OTX2: variants seen among roughly 807,000 people sequenced by gnomAD.
The protein encoded by OTX2 is orthodenticle homeobox 2.
Under a neutral mutation model 29.0 loss-of-function variants are expected in OTX2, and 4 were observed. The observed-to-expected ratio is 0.14, with a 90% CI of 0.07 to 0.32. The LOEUF is 0.32. Among genes scored for constraint, OTX2 ranks in the 10% least tolerant of loss-of-function variants. OTX2 has a pLI of 1.00. For missense variants in OTX2, 298 were observed against 365.9 expected, an observed-to-expected ratio of 0.81 and a Z score of 1.51; for synonymous variants, 134 against 141.0, an observed-to-expected ratio of 0.95 and a Z score of 0.35.
Position 56,806,497 on chromosome 14 carries a change from C to G in OTX2, c.-119-922G>C, listed in dbSNP as rs192176178. Among the ~76,000 whole-genome samples the G allele has an allele frequency of 4.5e-4, 68 of 152,302 alleles. No individual in the cohort carries two copies. The East Asian group carries it at 9.1e-3, about 20-fold the overall frequency. On this transcript the variant is annotated intron_variant, in intron 2 of 4. Coordinates refer to ENST00000672264, the MANE Select transcript of OTX2 (RefSeq NM_021728.4). ...CCACCAATCAGATAATGACGGGACC[C>G]CACATTTGTAGTGCAAGCTGCTTCC...
At chr14:56,809,992 A>C (rs1364682199) in intron 2 of OTX2, among the ~76,000 whole-genome samples, 167 bp downstream of exon 2, 1 of 152,012 alleles carries the variant, frequency 6.6e-6, no homozygotes, top group Non-Finnish European at 1.5e-5. Context: ...TTCTTTTTGC[A>C]ACGATCGTTA....
At chr14:56,807,246 G>A (rs1018498499) in intron 2 of OTX2, among the ~76,000 whole-genome samples, 5 of 151,972 alleles carry the variant, frequency 3.3e-5, no homozygotes, top group Admixed American at 6.5e-5. Context: ...GCTGTTCTTT[G>A]GAGGCTGCGA....
intron 2 of OTX2, among the ~76,000 whole-genome samples, chr14:56,808,054 C>T (rs1468978003): frequency 1.3e-5 from 2 of 151,924 alleles, no homozygotes; most frequent in African/African-American, 2.4e-5. Flanking sequence ...CCGCGCCCCC[C>T]GCGCAGCCTT....
chr14:56,805,741 C>CCCCCCCCCCCCCCCAACA (rs1892069448), intron 2 of OTX2, 166 bp from the exon 3 acceptor site: 1 of 402,320 alleles, frequency 2.5e-6, no homozygotes, highest in Admixed American at 3.6e-5. Context: ...CCCCCACCCC[C>CCCCCCCCCCCCCCCAACA]AGCTGCTCTG....
At chr14:56,807,751 C>A (rs930397326) in intron 2 of OTX2, among the ~76,000 whole-genome samples, 1 of 152,246 alleles carries the variant, frequency 6.6e-6, no homozygotes, top group African/African-American at 2.4e-5. Context: ...AGGCATGGGC[C>A]CTTCAATCTA....
chr14:56,804,510 T>G lies in OTX2; in HGVS notation c.98-147A>C. On this transcript the variant is annotated intron_variant, in intron 3 of 4. Transcript: ENST00000672264. This position sits in a 1 kb window ranked among gnomAD's most constrained non-coding sequence, Gnocchi z 4.1. Reference sequence around the variant, plus strand: ...GCTCTCCCCACCGTCTCCCCAGCCTTGCTCCCCGGGGACCCAGGACACACG... The same window carrying G: ...GCTCTCCCCACCGTCTCCCCAGCCTGGCTCCCCGGGGACCCAGGACACACG... The G allele has an allele frequency of 1.3e-6, 1 of 744,684 alleles. No individual in the cohort carries two copies. Among genetic ancestry groups the G allele is most frequent in the Non-Finnish European group, 2.1e-6 (1 of 468,054 alleles). 46.1% of individuals were successfully genotyped at this position (744,684 alleles called of 1,614,324 possible).
intron 2 of OTX2, among the ~76,000 whole-genome samples, chr14:56,808,359 G>A (rs1892161731): frequency 6.6e-6 from 1 of 152,136 alleles, no homozygotes; most frequent in African/African-American, 2.4e-5. Flanking sequence ...GCCTGCGGCT[G>A]GGAAGACGAC....
chr14:56,801,264 C>A lies in OTX2; in HGVS notation c.*471G>T. On this transcript the variant is annotated 3_prime_UTR_variant, in exon 5 of 5. Transcript: ENST00000672264. The surrounding 1 kb of genome is among the most constrained non-coding windows in gnomAD (Gnocchi z 4.2). Reference sequence around the variant, plus strand: ...ACAATCAGTCACACAATTCACACAGCCCTGAAAAGTTTTTTCAGTGCCAAC... The same window carrying A: ...ACAATCAGTCACACAATTCACACAGACCTGAAAAGTTTTTTCAGTGCCAAC... The A allele has an allele frequency of 4.5e-6, 1 of 221,638 alleles. No homozygotes were observed. Among genetic ancestry groups the A allele is most frequent in the East Asian group, 1.1e-4 (1 of 9,456 alleles). The allele number at this position is 221,638 out of a possible 1,614,324, so 13.7% of individuals were successfully genotyped here. A position where few individuals can be genotyped will look rare whatever the true frequency, so the allele number is the denominator to read the frequency against.
intron 2 of OTX2, among the ~76,000 whole-genome samples, chr14:56,809,810 G>T (rs1481848023): frequency 6.6e-6 from 1 of 152,194 alleles, no homozygotes; most frequent in Non-Finnish European, 1.5e-5. Flanking sequence ...CGCAAAGATC[G>T]CGGGAGAAGC....
At position 56,801,708 on chromosome 14, in the gene OTX2, A is replaced by G. The variant is rs1273316573; in HGVS notation, c.*27T>C. 6.2e-7 allele frequency: 1 copy of G among 1,611,496 alleles called. No homozygotes were observed. ...GTCCAGCCCAGTATATTTAAAAATC[A>G]CCCACAAAAAGAGGTTCTACAGGTC... is the stretch of plus-strand genomic sequence containing the variant. On this transcript the variant is annotated 3_prime_UTR_variant, in exon 5 of 5. Coordinates refer to ENST00000672264, the MANE Select transcript of OTX2 (RefSeq NM_021728.4). This position sits in a 1 kb window ranked among gnomAD's most constrained non-coding sequence, Gnocchi z 4.2.
chr14:56,806,301 C>T (rs184545379), intron 2 of OTX2, among the ~76,000 whole-genome samples: 2 of 152,282 alleles, frequency 1.3e-5, no homozygotes, highest in East Asian at 1.9e-4. Context: ...AGGTAAGTAA[C>T]AGATTTATTA....
At chr14:56,806,607 T>C (rs1215621893) in intron 2 of OTX2, 1 of 152,224 alleles carries the variant, frequency 6.6e-6, no homozygotes, top group Non-Finnish European at 1.5e-5. Context: ...GCAGCAGAGT[T>C]TCCTGTTAAC....
chr14:56,803,585 TAAGGTC>T (rs921920183), intron 4 of OTX2, among the ~76,000 whole-genome samples: 2 of 152,200 alleles, frequency 1.3e-5, no homozygotes, highest in African/African-American at 4.8e-5. Context: ...CTCTCCAGTT[TAAGGTC>T]AAGTTTAGGG....
Position 56,801,479 on chromosome 14 carries a change from G to T in OTX2, c.*256C>A. 1.5e-5 allele frequency: 8 copies of T among 541,656 alleles called. No individual in the cohort carries two copies. The highest frequency in any genetic ancestry group is 2.7e-5 in the Non-Finnish European group (8 of 301,760). 33.6% of individuals were successfully genotyped at this position (541,656 alleles called of 1,614,324 possible). On this transcript the variant is annotated 3_prime_UTR_variant, in exon 5 of 5. Coordinates refer to ENST00000672264, the MANE Select transcript of OTX2 (RefSeq NM_021728.4). The surrounding 1 kb of genome is among the most constrained non-coding windows in gnomAD (Gnocchi z 4.2). ...GGTTGCACATGGCTAGAATGCTTTT[G>T]ATCACTTTGCAAATCAGGATAACCA...
At chr14:56,807,640 C>G (rs986251743) in intron 2 of OTX2, among the ~76,000 whole-genome samples, 2 of 152,174 alleles carry the variant, frequency 1.3e-5, no homozygotes, top group African/African-American at 4.8e-5. Flanking sequence ...ACTATTTTCA[C>G]TTTTGCTCCT....
Position 56,804,873 on chromosome 14 carries a change from A to C in OTX2, c.97+487T>G, listed in dbSNP as rs1035152608. On this transcript the variant is annotated intron_variant, in intron 3 of 4. Coordinates refer to ENST00000672264, the MANE Select transcript of OTX2 (RefSeq NM_021728.4). The surrounding 1 kb of genome is among the most constrained non-coding windows in gnomAD (Gnocchi z 4.1). ...AAGGAAAGCACCCGCATTTGGAGGA[A>C]GTCACGCCTCTTGGGATTAAAGCAG... 7.5e-6 allele frequency among the ~76,000 whole-genome samples: 1 copy of C among 134,172 alleles called. No individual in the cohort carries two copies. The highest frequency in any genetic ancestry group is 1.7e-5 in the Non-Finnish European group (1 of 60,278). The allele number at this position is 134,172 out of a possible 152,430, so 88.0% of individuals were successfully genotyped here.
rs1347231732 is a variant in OTX2, at chr14:56,804,290, C to T, written c.171G>A (p.Gln57=). ...RRERTTFTRA[Q]LDVLEALFAK... ...CAAACAGTGCTTCCAGCACATCTAG[C>T]TGCGCCCGAGTGAACGTCGTCCTCT... The change falls in exon 4 of 5, where the codon CAG becomes CAA. Residue 57 remains glutamine, a synonymous_variant. Transcript: ENST00000672264. The surrounding 1 kb of genome is among the most constrained non-coding windows in gnomAD (Gnocchi z 4.1). 1 of 1,614,188 alleles carries T rather than the reference C, an allele frequency of 6.2e-7. No homozygotes were observed. Among genetic ancestry groups the T allele is most frequent in the Non-Finnish European group, 8.5e-7 (1 of 1,180,052 alleles).
At chr14:56,808,564 C>G (rs915571810) in intron 2 of OTX2, among the ~76,000 whole-genome samples, 8 of 152,136 alleles carry the variant, frequency 5.3e-5, no homozygotes, top group Non-Finnish European at 1.2e-4. Context: ...GAGAAAGCCC[C>G]GGTGTTAGCG....
At chr14:56,805,336 G>A (rs763440187) in intron 3 of OTX2, 24 bp downstream of exon 3, 4 of 1,500,514 alleles carry the variant, frequency 2.7e-6, no homozygotes, top group East Asian at 4.5e-5. Context: ...AGAGGGGTGC[G>A]GGAGTGCAGC....
Sources: gnomAD v4.1 joint callset for allele counts (sites outside exome capture counted in the v4.1 genomes callset) on GRCh38, gnomAD v4.1.1 for gene constraint, Gnocchi (gnomAD v3.1) non-coding constraint, MANE v1.5 for transcripts, NCBI Gene and HGNC (gene_info 2026-07-23, HGNC 2026-07-21) for gene names.